Variants in RAB6D observed in about 807,000 individuals in gnomAD.
RAB6D encodes the protein RAB6D, member RAS oncogene family.
Under a neutral mutation model 17.5 loss-of-function variants are expected in RAB6D, and 11 were observed. The ratio of observed to expected loss-of-function variants is 0.63; its 90% CI spans 0.39 to 1.04. The LOEUF (loss-of-function observed/expected upper bound fraction) is 1.04, where lower values mean the gene tolerates loss of function less well. RAB6D is among the 50% of genes least tolerant of loss of function. The probability of loss-of-function intolerance (pLI) is 0.00; values close to 1 mark genes in which losing one functional copy is unlikely to be tolerated. For missense variants in RAB6D, 163 were observed against 315.1 expected (o/e 0.52, Z 3.65); for synonymous variants, 68 against 122.6 (o/e 0.55, Z 2.94).
rs12991664 is a variant in RAB6D, at chr2:131,362,959, T to C, written c.762A>G (p.Arg254=). 1.2e-3 allele frequency: 1,883 copies of C among 1,604,712 alleles called. 6 individuals carry two copies. The highest frequency in any genetic ancestry group is 2.6e-3 in the South Asian group (232 of 90,556). Residue 254 remains arginine (R), a synonymous_variant, in exon 1 of 1, where the codon AGA becomes AGG. Coordinates refer to ENST00000623617, the MANE Select transcript of RAB6D (RefSeq NM_001077637.3). Reference sequence around the variant, plus strand: ...TTGTGCTTGTCAAGCTAATAGATCATCTCCACGAGACAGGCAGCAATGATG... The same window carrying C: ...TTGTGCTTGTCAAGCTAATAGATCACCTCCACGAGACAGGCAGCAATGATG... ...CNSSLLPVSW[R]
At position 131,362,738 on chromosome 2, in the gene RAB6D, G is replaced by C. The variant is rs1573802253; in HGVS notation, c.*218C>G. On this transcript the variant is annotated 3_prime_UTR_variant, in exon 1 of 1. Transcript: ENST00000623617. ...GAGAAGAGCAAGGAGAGATAAAGCA[G>C]GCTGTGAACATACTGCTCGTTAACC... The C allele has an allele frequency of 4.6e-5, 25 of 541,556 alleles. No homozygotes were observed. In the East Asian group the frequency reaches 8.2e-4, roughly 18 times the overall value. 33.5% of individuals were successfully genotyped at this position (541,556 alleles called of 1,614,324 possible). A position where few individuals can be genotyped will look rare whatever the true frequency, so the allele number is the denominator to read the frequency against.
rs925508863 is a variant in RAB6D at position 131,362,689 on chromosome 2, T to A, written c.*267A>T. ...GGGAGGCTAGGTAAGAACACGGAAA[T>A]AGGGAACGGGGTAAGGGAGAGGTGA... On this transcript the variant is annotated 3_prime_UTR_variant, in exon 1 of 1. Coordinates refer to ENST00000623617, the MANE Select transcript of RAB6D (RefSeq NM_001077637.3). 4.6e-6 allele frequency: 1 copy of A among 218,288 alleles called. No homozygotes were observed. Among genetic ancestry groups the A allele is most frequent in the East Asian group, 1.1e-4 (1 of 9,104 alleles). The allele number at this position is 218,288 out of a possible 1,614,324, so 13.5% of individuals were successfully genotyped here. A position where few individuals can be genotyped will look rare whatever the true frequency, so the allele number is the denominator to read the frequency against.
rs934562693 is a variant in RAB6D, at chr2:131,361,486, T to C, written c.*1470A>G. 1.2e-5 allele frequency: 2 copies of C among 167,064 alleles called. No individual in the cohort carries two copies. Among genetic ancestry groups the C allele is most frequent in the Non-Finnish European group, 2.9e-5 (2 of 68,116 alleles). 10.3% of individuals were successfully genotyped at this position (167,064 alleles called of 1,614,324 possible). A position where few individuals can be genotyped will look rare whatever the true frequency, so the allele number is the denominator to read the frequency against. On this transcript the variant is annotated 3_prime_UTR_variant, in exon 1 of 1. Coordinates refer to ENST00000623617, the MANE Select transcript of RAB6D (RefSeq NM_001077637.3). ...CGTTTACAACATAAATTCAGCAGGC[T>C]TTTCCTGACCTATAACTCGAAGTTT...
Position 131,363,322 on chromosome 2 carries a change from C to T in RAB6D, c.399G>A (p.Lys133=). The stretch of plus-strand genomic sequence containing the variant: ...CTCCCTCCTCAATTGACACTTGCCT[C>T]TTGTCAGCAAGATCTGTTTTATTTC... ...LVGNKTDLAD[K]RQVSIEEGER... Residue 133 remains lysine, a synonymous_variant, in exon 1 of 1, where the codon AAG becomes AAA. Coordinates refer to ENST00000623617, the MANE Select transcript of RAB6D (RefSeq NM_001077637.3). 6.2e-7 allele frequency: 1 copy of T among 1,614,142 alleles called. No individual in the cohort carries two copies. Among genetic ancestry groups the T allele is most frequent in the Non-Finnish European group, 8.5e-7 (1 of 1,180,050 alleles).
chr2:131,363,802 G>A lies in RAB6D; in HGVS notation c.-82C>T, dbSNP rs1703463047. 50 of 969,098 alleles carry A rather than the reference G, an allele frequency of 5.2e-5. 7 individuals are homozygous for A. The highest frequency in any genetic ancestry group is 4.8e-4 in the South Asian group (31 of 64,118). 60.0% of individuals were successfully genotyped at this position (969,098 alleles called of 1,614,324 possible). The stretch of plus-strand genomic sequence containing the variant: ...GCTCCAGCCGGCTGACGAAAAAGGC[G>A]AGCGGAAGGGCGGGCGCCGAGCTCT... On this transcript the variant is annotated 5_prime_UTR_variant, in exon 1 of 1. Transcript: ENST00000623617.
rs1295495290 is a variant in RAB6D at position 131,361,847 on chromosome 2, C to T, written c.*1109G>A. On this transcript the variant is annotated 3_prime_UTR_variant, in exon 1 of 1. Coordinates refer to ENST00000623617, the MANE Select transcript of RAB6D (RefSeq NM_001077637.3). ...CTTAAAAAAATGCTAAAAAATAAGG[C>T]ATAAATCTGCATAATATTCAGTTTT... is the stretch of plus-strand genomic sequence containing the variant. 1 of 167,034 alleles carries T rather than the reference C, an allele frequency of 6.0e-6. No individual in the cohort carries two copies. The highest frequency in any genetic ancestry group is 2.1e-4 in the South Asian group (1 of 4,826). The allele number at this position is 167,034 out of a possible 1,614,324, so 10.3% of individuals were successfully genotyped here.
rs1197802514 is a variant in RAB6D, at chr2:131,362,514, T to C, written c.*442A>G. 5.1e-6 allele frequency: 1 copy of C among 196,410 alleles called. No homozygotes were observed. Among genetic ancestry groups the C allele is most frequent in the East Asian group, 1.5e-4 (1 of 6,746 alleles). The allele number at this position is 196,410 out of a possible 1,614,324, so 12.2% of individuals were successfully genotyped here. A position where few individuals can be genotyped will look rare whatever the true frequency, so the allele number is the denominator to read the frequency against. ...CGCTGAATTCTGACCTCAAAGAGGA[T>C]CTAAGTAATTTATATCAGTGCTCAA... On this transcript the variant is annotated 3_prime_UTR_variant, in exon 1 of 1. Transcript: ENST00000623617.
chr2:131,363,448 T>C lies in RAB6D; in HGVS notation c.273A>G (p.Val91=), dbSNP rs773162606. The change falls in exon 1 of 1, where the codon GTA becomes GTG. Residue 91 remains valine, a synonymous_variant. Transcript: ENST00000623617. ...AGTTAACATTTGTGATATCGTAAAC[T>C]ACTACAGCTGCAGCAGAATCACGGA... is the stretch of plus-strand genomic sequence containing the variant. The part of the protein sequence containing the change: ...RYIRDSAAAV[V]VYDITNVNSF... 5.6e-6 allele frequency: 9 copies of C among 1,610,804 alleles called. No homozygotes were observed. The highest frequency in any genetic ancestry group is 3.3e-4 in the Middle Eastern group (2 of 6,072).
chr2:131,362,880 G>A lies in RAB6D; in HGVS notation c.*76C>T. 1 of 1,529,742 alleles carries A rather than the reference G, an allele frequency of 6.5e-7. No homozygotes were observed. The highest frequency in any genetic ancestry group is 8.8e-7 in the Non-Finnish European group (1 of 1,141,124). The allele number at this position is 1,529,742 out of a possible 1,614,324, so 94.8% of individuals were successfully genotyped here. ...ATTTTTAAAGTTATCACTGGAATAC[G>A]CTGAAATAGTTTGGCTTTTTGTAAA... On this transcript the variant is annotated 3_prime_UTR_variant, in exon 1 of 1. Transcript: ENST00000623617.
In RAB6D at chr2:131,363,451, T is replaced by C; in HGVS notation, c.270A>G (p.Val90=). ...TAACATTTGTGATATCGTAAACTACTACAGCTGCAGCAGAATCACGGATGT... is the reference window on the plus strand; with the variant it reads ...TAACATTTGTGATATCGTAAACTACCACAGCTGCAGCAGAATCACGGATGT... ...PRYIRDSAAA[V]VVYDITNVNS... is the part of the protein sequence containing the mutation. Residue 90 remains valine, a synonymous_variant, in exon 1 of 1, where the codon GTA becomes GTG. Transcript: ENST00000623617. 3 of 1,610,490 alleles carry C rather than the reference T, an allele frequency of 1.9e-6. No homozygotes were observed. The highest frequency in any genetic ancestry group is 2.5e-6 in the Non-Finnish European group (3 of 1,178,690).
In RAB6D at chr2:131,363,244, A is replaced by C. The variant is rs1573802708; in HGVS notation, c.477T>G (p.Ala159=). The C allele has an allele frequency of 1.9e-6, 3 of 1,613,620 alleles. No individual in the cohort carries two copies. The stretch of plus-strand genomic sequence containing the variant: ...GAAAGAGCTGCTTTACATTGTATCC[A>C]GCTTTTGCCCTAGTTTCAATAAACG... The part of the protein sequence containing the change: ...NVTFIETRAK[A]GYNVKQLFRR... The change falls in exon 1 of 1, where the codon GCT becomes GCG. Residue 159 remains alanine, a synonymous_variant. Transcript: ENST00000623617.
In RAB6D at chr2:131,360,508, T is replaced by G. The variant is rs536035216; in HGVS notation, c.*2448A>C. ...AACATTTGATAACTTTAATTATAAC[T>G]TTAATATTCATAGCTTATATTTATC... On this transcript the variant is annotated 3_prime_UTR_variant, in exon 1 of 1. Transcript: ENST00000623617. Among the ~76,000 whole-genome samples the G allele has an allele frequency of 6.6e-6, 1 of 152,334 alleles. No individual in the cohort carries two copies. The highest frequency in any genetic ancestry group is 6.5e-5 in the Admixed American group (1 of 15,306).
In RAB6D at chr2:131,361,446, T is replaced by C. The variant is rs1175744159; in HGVS notation, c.*1510A>G. Reference sequence around the variant, plus strand: ...TATTTTTGTTGTCTTTTCATCTTTATACTGTGTTAAGTAACGTTTACAACA... The same window carrying C: ...TATTTTTGTTGTCTTTTCATCTTTACACTGTGTTAAGTAACGTTTACAACA... On this transcript the variant is annotated 3_prime_UTR_variant, in exon 1 of 1. Transcript: ENST00000623617. 1 of 167,104 alleles carries C rather than the reference T, an allele frequency of 6.0e-6. No individual in the cohort carries two copies. The highest frequency in any genetic ancestry group is 1.5e-5 in the Non-Finnish European group (1 of 68,108). 10.4% of individuals were successfully genotyped at this position (167,104 alleles called of 1,614,324 possible). A position where few individuals can be genotyped will look rare whatever the true frequency, so the allele number is the denominator to read the frequency against.
rs1419001350 is a variant in RAB6D at position 131,361,002 on chromosome 2, T to C, written c.*1954A>G. ...TCAATATTAAAAGCAGTATAACTGC[T>C]TACTTTTTAAAAAATACATAAAAAG... On this transcript the variant is annotated 3_prime_UTR_variant, in exon 1 of 1. Coordinates refer to ENST00000623617, the MANE Select transcript of RAB6D (RefSeq NM_001077637.3). 1 of 166,528 alleles carries C rather than the reference T, an allele frequency of 6.0e-6. No homozygotes were observed. The highest frequency in any genetic ancestry group is 1.5e-5 in the Non-Finnish European group (1 of 68,110). The allele number at this position is 166,528 out of a possible 1,614,324, so 10.3% of individuals were successfully genotyped here. A position where few individuals can be genotyped will look rare whatever the true frequency, so the allele number is the denominator to read the frequency against.
chr2:131,361,602 A>C lies in RAB6D; in HGVS notation c.*1354T>G, dbSNP rs1703425329. 6.0e-6 allele frequency: 1 copy of C among 167,072 alleles called. No homozygotes were observed. Among genetic ancestry groups the C allele is most frequent in the Non-Finnish European group, 1.5e-5 (1 of 68,106 alleles). The allele number at this position is 167,072 out of a possible 1,614,324, so 10.3% of individuals were successfully genotyped here. On this transcript the variant is annotated 3_prime_UTR_variant, in exon 1 of 1. Transcript: ENST00000623617. ...GTGAAGATTAAAAGGGCACACTCCT[A>C]GTATATTTGTTTGCAGTGTTTCAAG...
At position 131,363,222 on chromosome 2, in the gene RAB6D, A is replaced by G. The variant is rs374961197; in HGVS notation, c.499T>C (p.Phe167Leu). The change falls in exon 1 of 1, where the codon TTT becomes CTT. Residue 167 changes from phenylalanine to leucine, a missense_variant. This residue lies in a region of RAB6D where 144 missense variants were observed against 244.4 expected (regional missense o/e 0.59). Coordinates refer to ENST00000623617, the MANE Select transcript of RAB6D (RefSeq NM_001077637.3). ...GGCAAAGCTGCTGCTACACGTCGAA[A>G]GAGCTGCTTTACATTGTATCCAGCT... ...AKAGYNVKQL[F>L]RRVAAALPGM... 1.6e-4 allele frequency: 258 copies of G among 1,613,140 alleles called. 1 individual carries two copies. The highest frequency in any genetic ancestry group is 7.3e-4 in the Admixed American group (44 of 59,950).
Position 131,361,194 on chromosome 2 carries a change from T to C in RAB6D, c.*1762A>G, listed in dbSNP as rs1053513396. On this transcript the variant is annotated 3_prime_UTR_variant, in exon 1 of 1. Transcript: ENST00000623617. ...CCTTGCCTTTAGCAATTATATTGTA[T>C]TATAAAAGCACTTTATAACTCCATC... 10 of 167,098 alleles carry C rather than the reference T, an allele frequency of 6.0e-5. No individual in the cohort carries two copies. The highest frequency in any genetic ancestry group is 3.9e-4 in the Admixed American group (6 of 15,284). 10.4% of individuals were successfully genotyped at this position (167,098 alleles called of 1,614,324 possible).
At position 131,364,165 on chromosome 2, in the gene RAB6D, C is replaced by G. The variant is rs1703473195; in HGVS notation, c.-445G>C. On this transcript the variant is annotated 5_prime_UTR_variant, in exon 1 of 1. Coordinates refer to ENST00000623617, the MANE Select transcript of RAB6D (RefSeq NM_001077637.3). ...AGCCCAACCTGCTGAGTGCGCGAGCCTCTGGCGCGGGGCGAGCCAGGGCGC... is the reference window on the plus strand; with the variant it reads ...AGCCCAACCTGCTGAGTGCGCGAGCGTCTGGCGCGGGGCGAGCCAGGGCGC... 1 of 121,474 alleles carries G rather than the reference C, an allele frequency of 8.2e-6. No homozygotes were observed. The highest frequency in any genetic ancestry group is 1.9e-5 in the Non-Finnish European group (1 of 52,792). The allele number at this position is 121,474 out of a possible 1,614,324, so 7.5% of individuals were successfully genotyped here.
rs6710474 is a variant in RAB6D, at chr2:131,361,026, A to G, written c.*1930T>C. ...CTTACTTTTTAAAAAATACATAAAA[A>G]GAATCAAATGCAACAGTGTAGGAAG... On this transcript the variant is annotated 3_prime_UTR_variant, in exon 1 of 1. Coordinates refer to ENST00000623617, the MANE Select transcript of RAB6D (RefSeq NM_001077637.3). 0.036 allele frequency: 6,076 copies of G among 166,876 alleles called. 312 individuals carry two copies. Among genetic ancestry groups the G allele is most frequent in the African/African-American group, 0.12 (4,854 of 41,532 alleles). 10.3% of individuals were successfully genotyped at this position (166,876 alleles called of 1,614,324 possible). A position where few individuals can be genotyped will look rare whatever the true frequency, so the allele number is the denominator to read the frequency against.
Sources: gnomAD v4.1 joint callset for allele counts (sites outside exome capture counted in the v4.1 genomes callset) on GRCh38, gnomAD v4.1.1 for gene constraint, gnomAD v4.1.1 regional missense constraint, MANE v1.5 for transcripts, NCBI Gene and HGNC (gene_info 2026-07-23, HGNC 2026-07-21) for gene names.